Variants in FBN2 observed in about 807,000 individuals in gnomAD.
FBN2 encodes the protein fibrillin 2.
A neutral mutation model predicts 355.6 loss-of-function variants in FBN2; 105 were observed. The ratio of observed to expected loss-of-function variants is 0.30; its 90% CI spans 0.25 to 0.35. The LOEUF (loss-of-function observed/expected upper bound fraction) is 0.35. Among genes scored for constraint, FBN2 ranks in the 10% least tolerant of loss-of-function variants. FBN2 has a pLI of 1.00. For synonymous variants in FBN2, 1,350 were observed against 1,301.2 expected (o/e 1.04, Z -0.81); for missense variants, 3,280 against 3,758.7 (o/e 0.87, Z 3.33).
At position 128,434,422 on chromosome 5, in the gene FBN2, A is replaced by ATATATATATATATATATATATG. The variant is rs1561455185; in HGVS notation, c.952+12058_952+12059insCATATATATATATATATATATA. Among the ~76,000 whole-genome samples, 15 of 132,698 alleles carry ATATATATATATATATATATATG rather than the reference A, an allele frequency of 1.1e-4. 3 individuals carry two copies. The highest frequency in any genetic ancestry group is 4.6e-4 in the African/African-American group (14 of 30,450). The allele number at this position is 132,698 out of a possible 152,430, so 87.1% of individuals were successfully genotyped here. A position where few individuals can be genotyped will look rare whatever the true frequency, so the allele number is the denominator to read the frequency against. On this transcript the variant is annotated intron_variant, in intron 7 of 64. Coordinates refer to ENST00000262464, the MANE Select transcript of FBN2 (RefSeq NM_001999.4). ...TATATATATATATATATATATATAT[A>ATATATATATATATATATATATG]TATGGGCAGTAAGTGACAGCACTGG...
At chr5:128,379,309 G>C (rs886597171) in intron 11 of FBN2, among the ~76,000 whole-genome samples, 16 of 152,090 alleles carry the variant, frequency 1.1e-4, no homozygotes, top group African/African-American at 3.6e-4. Context: ...GTTACATGTT[G>C]TCACTGCTAT....
At chr5:128,301,723 AT>A (rs1332563775) in intron 46 of FBN2, among the ~76,000 whole-genome samples, 2 of 152,114 alleles carry the variant, frequency 1.3e-5, no homozygotes, top group Non-Finnish European at 2.9e-5. Flanking sequence ...ATAAAGATAC[AT>A]TTTTTTCATT....
chr5:128,408,665 G>A lies in FBN2; in HGVS notation c.1078+9C>T, dbSNP rs371692018. ...CCAGTGTATTGAGCCTTCAAAATGC[G>A]AGGCTTACCGATGCATCGAGAGCCA... On this transcript the variant is annotated intron_variant, in intron 8 of 64. Coordinates refer to ENST00000262464, the MANE Select transcript of FBN2 (RefSeq NM_001999.4). 2.4e-5 allele frequency: 39 copies of A among 1,613,694 alleles called. No homozygotes were observed. Among genetic ancestry groups the A allele is most frequent in the Middle Eastern group, 3.3e-4 (2 of 6,082 alleles).
chr5:128,478,170 T>C (rs1446489663), intron 5 of FBN2, among the ~76,000 whole-genome samples: 1 of 152,208 alleles, frequency 6.6e-6, no homozygotes, highest in Non-Finnish European at 1.5e-5. Context: ...TATGAGTAAG[T>C]ATTTTTGCAA....
intron 6 of FBN2, among the ~76,000 whole-genome samples, chr5:128,454,512 T>C (rs368377503): frequency 6.6e-6 from 1 of 152,206 alleles, no homozygotes; most frequent in Non-Finnish European, 1.5e-5. Flanking sequence ...ATAAATCAGA[T>C]AATAGCCAAG....
chr5:128,273,724 T>C (rs771294620), intron 61 of FBN2, 116 bp downstream of exon 61: 1 of 1,047,480 alleles, frequency 9.5e-7, no homozygotes, highest in East Asian at 2.6e-5. Context: ...TGCTGGGTCC[T>C]ATTTTGTTCA....
Position 128,278,658 on chromosome 5 carries a change from G to C in FBN2, c.7322C>G (p.Pro2441Arg). ...ACCTCTTCCATCAGTTGTATATCCT[G>C]GGCCATGAGGACATATCTTTTTGTA... Reference protein sequence around the residue: ...AQYKKICPHGPGYTTDGRDID... With the variant: ...AQYKKICPHGRGYTTDGRDID... The change falls in exon 57 of 65, where the codon CCA becomes CGA. Residue 2441 changes from proline to arginine, a missense_variant. By Grantham distance (103) the Pro-to-Arg change is moderately radical. Transcript: ENST00000262464. 1 of 1,613,946 alleles carries C rather than the reference G, an allele frequency of 6.2e-7. No homozygotes were observed. The highest frequency in any genetic ancestry group is 1.3e-5 in the African/African-American group (1 of 74,990).
intron 5 of FBN2, among the ~76,000 whole-genome samples, chr5:128,469,779 T>C (rs1002392500): frequency 2.0e-5 from 3 of 152,104 alleles, no homozygotes; most frequent in African/African-American, 7.2e-5. Flanking sequence ...ATACCAAAAG[T>C]AGGATCAGGA....
chr5:128,346,558 G>C (rs1751186796), intron 23 of FBN2, among the ~76,000 whole-genome samples: 1 of 152,096 alleles, frequency 6.6e-6, no homozygotes, highest in African/African-American at 2.4e-5. Context: ...AGTTCTAAAA[G>C]GTAATGAGTT....
intron 5 of FBN2, among the ~76,000 whole-genome samples, chr5:128,468,265 A>C (rs1400340975): frequency 6.6e-6 from 1 of 152,198 alleles, no homozygotes; most frequent in Non-Finnish European, 1.5e-5. Flanking sequence ...AGCATGGATC[A>C]ATACTTCATT....
intron 5 of FBN2, among the ~76,000 whole-genome samples, chr5:128,466,201 T>C (rs1459936340): frequency 4.6e-5 from 7 of 152,212 alleles, no homozygotes; most frequent in Non-Finnish European, 8.8e-5. Flanking sequence ...TCATTTGCTA[T>C]AAAATACAAC....
intron 20 of FBN2, among the ~76,000 whole-genome samples, chr5:128,352,154 C>G (rs920148509): frequency 6.6e-6 from 1 of 152,076 alleles, no homozygotes; most frequent in Non-Finnish European, 1.5e-5. Context: ...TTATAAAACC[C>G]TCACTAATGC....
rs57791023 is a variant in FBN2 at position 128,275,442 on chromosome 5, A to AT, written c.7594+595dup. Among the ~76,000 whole-genome samples, 187 of 144,744 alleles carry AT rather than the reference A, an allele frequency of 1.3e-3. No individual in the cohort carries two copies. In the Middle Eastern group the frequency reaches 0.018, roughly 14 times the overall value. The allele number at this position is 144,744 out of a possible 152,430, so 95.0% of individuals were successfully genotyped here. A position where few individuals can be genotyped will look rare whatever the true frequency, so the allele number is the denominator to read the frequency against. ...ACAGGTCCAAGCGGTGCTTGCTATT[A>AT]TTTTTTTTTTTTTTGATATGCCTTG... On this transcript the variant is annotated intron_variant, in intron 59 of 64. Transcript: ENST00000262464.
intron 36 of FBN2, among the ~76,000 whole-genome samples, chr5:128,314,644 T>A (rs962392096): frequency 2.6e-5 from 4 of 152,174 alleles, no homozygotes. Context: ...CCTCATTTAT[T>A]CACCTGTTCT....
chr5:128,314,916 A>T (rs944053099), intron 36 of FBN2, among the ~76,000 whole-genome samples: 7 of 151,356 alleles, frequency 4.6e-5, no homozygotes, highest in African/African-American at 1.5e-4. Flanking sequence ...AATTGCTTTT[A>T]AAAAAAAACC....
intron 5 of FBN2, among the ~76,000 whole-genome samples, chr5:128,490,534 C>T (rs569416613): frequency 1.0e-3 from 152 of 152,298 alleles, no homozygotes; most frequent in Admixed American, 1.8e-3. Context: ...GAAGTGAAAA[C>T]ATCAACTCTA....
chr5:128,389,622 G>C (rs2126974068), intron 11 of FBN2, among the ~76,000 whole-genome samples: 1 of 152,296 alleles, frequency 6.6e-6, no homozygotes, highest in South Asian at 2.1e-4. Context: ...AGCCACTCTG[G>C]TGCCAAACCC....
chr5:128,339,879 G>A (rs984992681), intron 25 of FBN2, among the ~76,000 whole-genome samples: 6 of 152,236 alleles, frequency 3.9e-5, no homozygotes, highest in African/African-American at 1.4e-4. Flanking sequence ...CAGGGCCATG[G>A]TGTGTGCCCC....
intron 2 of FBN2, among the ~76,000 whole-genome samples, chr5:128,532,656 T>C (rs1756738524): frequency 6.6e-6 from 1 of 152,222 alleles, no homozygotes; most frequent in African/African-American, 2.4e-5. Context: ...GAAAAAAGCA[T>C]TTCCTGCAGA....
Sources: allele counts gnomAD v4.1 joint callset (sites outside exome capture counted in the v4.1 genomes callset), GRCh38; gene constraint gnomAD v4.1.1; transcripts MANE v1.5; gene names NCBI Gene and HGNC (gene_info 2026-07-23, HGNC 2026-07-21).